CNTN5: variants seen among roughly 807,000 people sequenced by gnomAD.
CNTN5 encodes contactin-5.
CNTN5 carries 77 observed loss-of-function variants against 129.1 expected under a neutral mutation model. The observed-to-expected ratio is 0.60, with a 90% CI of 0.50 to 0.72. CNTN5 has a LOEUF of 0.72. CNTN5 is among the 30% of genes least tolerant of loss of function. The probability of loss-of-function intolerance (pLI) is 0.00; values close to 1 mark genes in which losing one functional copy is unlikely to be tolerated. For missense variants in CNTN5, 1,478 were observed against 1,328.8 expected (o/e 1.11, Z -1.75); for synonymous variants, 509 against 465.6 (o/e 1.09, Z -1.20).
intron 1 of CNTN5, among the ~76,000 whole-genome samples, chr11:99,106,526 T>A (rs549264513): frequency 1.3e-5 from 2 of 152,186 alleles, no homozygotes; most frequent in East Asian, 3.9e-4. Context: ...AGAGTGATAT[T>A]CAGATACTAC....
intron 13 of CNTN5, among the ~76,000 whole-genome samples, chr11:100,185,525 C>T (rs975520127): frequency 6.6e-6 from 1 of 152,038 alleles, no homozygotes; most frequent in African/African-American, 2.4e-5. Context: ...GTACACAATA[C>T]ATTAAGGGGA....
At chr11:99,854,864 ATG>A (rs1947984648) in intron 6 of CNTN5, among the ~76,000 whole-genome samples, 1 of 152,176 alleles carries the variant, frequency 6.6e-6, no homozygotes, top group African/African-American at 2.4e-5. Flanking sequence ...TCAGGAATAT[ATG>A]TGTTTCTCTC....
chr11:100,112,537 G>C (rs1454358854), intron 13 of CNTN5, among the ~76,000 whole-genome samples: 1 of 152,054 alleles, frequency 6.6e-6, no homozygotes, highest in Non-Finnish European at 1.5e-5. Context: ...TGTTAGAACT[G>C]TAATTTTCTG....
At chr11:99,710,134 T>A (rs577102043) in intron 3 of CNTN5, among the ~76,000 whole-genome samples, 1 of 151,916 alleles carries the variant, frequency 6.6e-6, no homozygotes, top group Admixed American at 6.6e-5. Context: ...CACTCATAGA[T>A]GCCACAAGCA....
chr11:99,757,142 C>A (rs75465925), intron 3 of CNTN5, among the ~76,000 whole-genome samples: 1 of 151,934 alleles, frequency 6.6e-6, no homozygotes, highest in Non-Finnish European at 1.5e-5. Flanking sequence ...GTGATCCATT[C>A]GTTTCTCTTA....
chr11:100,297,588 T>TC (rs75986029), intron 18 of CNTN5, 37 bp from the exon 19 acceptor site: 1,372,876 of 1,525,466 alleles, frequency 0.9, 619,784 homozygotes, highest in East Asian at 1. Context: ...GGTTGGGAGT[T>TC]TTTTTCTCCT....
intron 9 of CNTN5, among the ~76,000 whole-genome samples, chr11:100,047,310 G>C (rs147578163): frequency 1.9e-4 from 29 of 151,984 alleles, no homozygotes; most frequent in African/African-American, 6.8e-4. Flanking sequence ...ACAGGGGTAG[G>C]GTTAATCTAG....
chr11:99,752,224 G>A (rs1019712747), intron 3 of CNTN5, among the ~76,000 whole-genome samples: 1 of 152,270 alleles, frequency 6.6e-6, no homozygotes. Flanking sequence ...AGCCTTTATT[G>A]AGGAAGCGCT....
chr11:99,952,794 AT>A (rs1253627844), intron 7 of CNTN5, among the ~76,000 whole-genome samples: 1 of 152,198 alleles, frequency 6.6e-6, no homozygotes, highest in Non-Finnish European at 1.5e-5. Flanking sequence ...AAAAATAGGG[AT>A]TTTGGTAAAT....
At chr11:99,785,099 G>A (rs1036339403) in intron 3 of CNTN5, among the ~76,000 whole-genome samples, 36 of 151,976 alleles carry the variant, frequency 2.4e-4, no homozygotes, top group African/African-American at 7.0e-4. Context: ...GATTACAGGC[G>A]TGAGCCACCG....
At chr11:99,768,833 G>C (rs1051251242) in intron 3 of CNTN5, among the ~76,000 whole-genome samples, 1 of 152,054 alleles carries the variant, frequency 6.6e-6, no homozygotes, top group African/African-American at 2.4e-5. Context: ...TTGATAAGTA[G>C]TAATGTCCAG....
At chr11:99,841,594 G>A (rs1410391055) in intron 4 of CNTN5, among the ~76,000 whole-genome samples, 1 of 150,802 alleles carries the variant, frequency 6.6e-6, no homozygotes, top group African/African-American at 2.4e-5. Flanking sequence ...GGGAGGAGGA[G>A]GAAAAGAAGC....
intron 2 of CNTN5, among the ~76,000 whole-genome samples, chr11:99,480,721 T>C (rs1458488923): frequency 2.0e-5 from 3 of 152,178 alleles, no homozygotes; most frequent in Non-Finnish European, 4.4e-5. Context: ...TTTTTTGTTT[T>C]GTTTTTTCTA....
At chr11:100,143,641 TTAAGC>T (rs1490856553) in intron 13 of CNTN5, among the ~76,000 whole-genome samples, 2 of 152,146 alleles carry the variant, frequency 1.3e-5, no homozygotes, top group African/African-American at 4.8e-5. Flanking sequence ...ACTACAGAGT[TTAAGC>T]TATACTCCTC....
At chr11:99,504,158 A>G (rs1946527578) in intron 2 of CNTN5, among the ~76,000 whole-genome samples, 1 of 152,168 alleles carries the variant, frequency 6.6e-6, no homozygotes, top group Non-Finnish European at 1.5e-5. Flanking sequence ...TTTTTTTAGA[A>G]AAGGTAGAGT....
chr11:99,383,703 C>T (rs964747533), intron 2 of CNTN5, among the ~76,000 whole-genome samples: 13 of 151,608 alleles, frequency 8.6e-5, no homozygotes, highest in Non-Finnish European at 7.4e-5. Context: ...TTTCCCATGG[C>T]TATTATAATT....
At chr11:99,469,244 C>T (rs1013694116) in intron 2 of CNTN5, among the ~76,000 whole-genome samples, 8 of 151,956 alleles carry the variant, frequency 5.3e-5, no homozygotes, top group South Asian at 2.1e-4. Context: ...TCAATGAATA[C>T]GAAATTTGAC....
chr11:99,291,605 C>T (rs73536882), intron 1 of CNTN5, among the ~76,000 whole-genome samples: 2,563 of 151,948 alleles, frequency 0.017, 82 homozygotes, highest in African/African-American at 0.059. Context: ...TAAAAGTGTA[C>T]GATTATATAA....
chr11:99,046,629 T>A (rs1250660276), intron 1 of CNTN5, among the ~76,000 whole-genome samples: 1 of 152,178 alleles, frequency 6.6e-6, no homozygotes, highest in Admixed American at 6.5e-5. Context: ...GAGAAAGGTA[T>A]AATATCTTCA....
Sources: allele counts gnomAD v4.1 joint callset (sites outside exome capture counted in the v4.1 genomes callset), GRCh38; gene constraint gnomAD v4.1.1; transcripts MANE v1.5; gene names NCBI Gene and HGNC (gene_info 2026-07-23, HGNC 2026-07-21).